Variants in CCDC91 observed in about 807,000 individuals in gnomAD.
The protein encoded by CCDC91 is coiled-coil domain containing 91.
CCDC91 carries 48 observed loss-of-function variants against 63.2 expected under a neutral mutation model. The ratio of observed to expected loss-of-function variants is 0.76; its 90% CI spans 0.60 to 0.97. The LOEUF (loss-of-function observed/expected upper bound fraction) is 0.97, where lower values mean the gene tolerates loss of function less well. Among genes scored for constraint, CCDC91 ranks in the 50% least tolerant of loss-of-function variants. The pLI is 0.00. For missense variants in CCDC91, 500 were observed against 494.6 expected, an observed-to-expected ratio of 1.01 and a Z score of -0.10; for synonymous variants, 167 against 165.8, an observed-to-expected ratio of 1.01 and a Z score of -0.06.
intron 6 of CCDC91, among the ~76,000 whole-genome samples, chr12:28,352,426 A>G (rs1182237073): frequency 6.6e-6 from 1 of 152,226 alleles, no homozygotes; most frequent in African/African-American, 2.4e-5. Context: ...AGTTCTCTCA[A>G]TTCCTGCCAC....
chr12:28,457,781 C>A (rs1400768526), intron 11 of CCDC91, among the ~76,000 whole-genome samples: 1 of 151,642 alleles, frequency 6.6e-6, no homozygotes, highest in African/African-American at 2.4e-5. Flanking sequence ...AAATTTATGA[C>A]CCTGGCTTAT....
intron 6 of CCDC91, among the ~76,000 whole-genome samples, chr12:28,337,952 A>C (rs959507471): frequency 5.3e-5 from 8 of 152,118 alleles, no homozygotes; most frequent in African/African-American, 1.9e-4. Context: ...CTAATAATTT[A>C]ATGCATCATT....
chr12:28,515,329 G>A lies in CCDC91; in HGVS notation c.1215+31164G>A, dbSNP rs182098830. Among the ~76,000 whole-genome samples, 32 of 151,908 alleles carry A rather than the reference G, an allele frequency of 2.1e-4. 1 individual carries two copies. The East Asian group carries it at 6.1e-3, about 29-fold the overall frequency. On this transcript the variant is annotated intron_variant, in intron 12 of 12. Transcript: ENST00000536442. The stretch of plus-strand genomic sequence containing the variant: ...TGAGGTACCTCCTATTATTGGTTTT[G>A]TGAAATGTGACCTTCTCCCTGTTTC...
intron 11 of CCDC91, among the ~76,000 whole-genome samples, chr12:28,469,473 G>T (rs1950702558): frequency 6.6e-6 from 1 of 151,990 alleles, no homozygotes; most frequent in Non-Finnish European, 1.5e-5. Context: ...TGCATCCATG[G>T]ATTGAAATAA....
intron 8 of CCDC91, among the ~76,000 whole-genome samples, chr12:28,401,268 A>C (rs1474260974): frequency 1.3e-5 from 2 of 152,110 alleles, no homozygotes; most frequent in Non-Finnish European, 2.9e-5. Flanking sequence ...GGAAGGGGAA[A>C]CAAACATGTC....
At chr12:28,456,526 G>A (rs1363783612) in intron 11 of CCDC91, among the ~76,000 whole-genome samples, 4 of 151,992 alleles carry the variant, frequency 2.6e-5, no homozygotes, top group Non-Finnish European at 5.9e-5. Flanking sequence ...TTTTGAGGGC[G>A]ATGATAATGT....
chr12:28,489,980 A>G (rs958865573), intron 12 of CCDC91, among the ~76,000 whole-genome samples: 1 of 151,930 alleles, frequency 6.6e-6, no homozygotes, highest in Non-Finnish European at 1.5e-5. Flanking sequence ...AATGACTCTT[A>G]AAGTCCTAAA....
At chr12:28,256,939 C>G (rs1005456391) in intron 1 of CCDC91, 15 of 354,018 alleles carry the variant, frequency 4.2e-5, no homozygotes, top group African/African-American at 3.2e-4. Flanking sequence ...TTGGGAAAAG[C>G]AAATTAAAAT....
At chr12:28,503,617 T>C (rs1938275315) in intron 12 of CCDC91, among the ~76,000 whole-genome samples, 1 of 152,158 alleles carries the variant, frequency 6.6e-6, no homozygotes. Context: ...ATCATACTGC[T>C]ATAAAGACAC....
intron 8 of CCDC91, among the ~76,000 whole-genome samples, chr12:28,395,709 C>A (rs1363373043): frequency 6.6e-6 from 1 of 152,072 alleles, no homozygotes; most frequent in African/African-American, 2.4e-5. Context: ...TGGGGGCTAT[C>A]ATCAGAAAAA....
chr12:28,410,208 T>C (rs1947231055), intron 8 of CCDC91, among the ~76,000 whole-genome samples: 1 of 152,216 alleles, frequency 6.6e-6, no homozygotes, highest in Admixed American at 6.5e-5. Context: ...CACACTTATA[T>C]TTAGTGTATT....
At chr12:28,277,895 A>G in intron 3 of CCDC91, among the ~76,000 whole-genome samples, 1 of 151,980 alleles carries the variant, frequency 6.6e-6, no homozygotes, top group East Asian at 1.9e-4. Context: ...CAGACTGTAG[A>G]CTTTTCATTC....
intron 11 of CCDC91, among the ~76,000 whole-genome samples, chr12:28,457,841 TAAAGGA>T (rs1205446457): frequency 1.3e-5 from 2 of 152,078 alleles, no homozygotes; most frequent in Non-Finnish European, 2.9e-5. Flanking sequence ...CTTTGTTAAG[TAAAGGA>T]AAAGACGTTT....
intron 12 of CCDC91, among the ~76,000 whole-genome samples, chr12:28,505,033 C>T (rs531969748): frequency 6.6e-6 from 1 of 151,946 alleles, no homozygotes; most frequent in Non-Finnish European, 1.5e-5. Flanking sequence ...ATTGTAGTAT[C>T]TGCGGAATGA....
intron 1 of CCDC91, among the ~76,000 whole-genome samples, chr12:28,225,574 C>T (rs535952566): frequency 8.5e-5 from 13 of 152,192 alleles, no homozygotes; most frequent in South Asian, 4.2e-4. Flanking sequence ...CCTCAGCCTC[C>T]GGAGTAGAGT....
intron 6 of CCDC91, among the ~76,000 whole-genome samples, chr12:28,318,902 G>T (rs1010224399): frequency 7.2e-5 from 11 of 151,980 alleles, no homozygotes; most frequent in Non-Finnish European, 1.6e-4. Flanking sequence ...GACATTTAAA[G>T]TAGTTGCTAG....
At chr12:28,302,399 A>G (rs1410420571) in intron 3 of CCDC91, among the ~76,000 whole-genome samples, 1 of 152,026 alleles carries the variant, frequency 6.6e-6, no homozygotes, top group Non-Finnish European at 1.5e-5. Flanking sequence ...GGTGGTTGGT[A>G]TGCATTATCT....
At chr12:28,477,211 A>G (rs1008823388) in intron 11 of CCDC91, among the ~76,000 whole-genome samples, 1 of 152,186 alleles carries the variant, frequency 6.6e-6, no homozygotes, top group East Asian at 1.9e-4. Flanking sequence ...CATGGATGCA[A>G]AAGTCCTCAA....
At chr12:28,489,110 CTCCTGTTCTAAA>C (rs1255842160) in intron 12 of CCDC91, among the ~76,000 whole-genome samples, 25 of 151,944 alleles carry the variant, frequency 1.6e-4, no homozygotes, top group Non-Finnish European at 4.4e-5. Context: ...TGTTTACCAA[CTCCTGTTCTAAA>C]TCATAAAAAT....
Sources: allele counts gnomAD v4.1 joint callset (sites outside exome capture counted in the v4.1 genomes callset), GRCh38; gene constraint gnomAD v4.1.1; transcripts MANE v1.5; gene names NCBI Gene and HGNC (gene_info 2026-07-23, HGNC 2026-07-21).